IRF1: variants seen among roughly 807,000 people sequenced by gnomAD.
IRF1 encodes interferon regulatory factor 1.
In IRF1, 13 loss-of-function variants were observed where a neutral mutation model predicts 43.7. The ratio of observed to expected loss-of-function variants is 0.30; its 90% CI spans 0.19 to 0.47. The LOEUF is 0.47. Among genes scored for constraint, IRF1 ranks in the 20% least tolerant of loss-of-function variants. The pLI, the probability that IRF1 is intolerant of heterozygous loss-of-function variation, is 0.99. For synonymous variants in IRF1, 138 were observed against 146.8 expected (o/e 0.94, Z 0.43); for missense variants, 236 against 408.9 (o/e 0.58, Z 3.65).
chr5:132,487,184 G>A, intron 3 of IRF1, 54 bp from the exon 4 acceptor site: 1 of 1,570,186 alleles, frequency 6.4e-7, no homozygotes, highest in Non-Finnish European at 8.7e-7. Context: ...GGGATCCTCA[G>A]CTGCCCCTGG....
intron 7 of IRF1, 73 bp downstream of exon 7, chr5:132,486,178 C>CT: frequency 3.2e-6 from 5 of 1,582,822 alleles, no homozygotes; most frequent in Non-Finnish European, 3.5e-6. Context: ...TTCTGATCAT[C>CT]TTTTCTCTCT....
At chr5:132,488,752 C>T (rs1439588144) in intron 2 of IRF1, 1 of 153,184 alleles carries the variant, frequency 6.5e-6, no homozygotes, top group Non-Finnish European at 1.5e-5. Context: ...CTCTCAGTGC[C>T]TCTGTTTACT....
chr5:132,485,080 T>G (rs1485053912), intron 8 of IRF1: 1 of 155,112 alleles, frequency 6.4e-6, no homozygotes, highest in African/African-American at 2.4e-5. Flanking sequence ...GCCCAGCTAA[T>G]TTTTATATTT....
Position 132,483,832 on chromosome 5 carries a change from G to C in IRF1, c.*119C>G. ...AAGGAGGGAGGCCCCATCCCCACTT[G>C]GCAGTGGGGTCACACTTGGCTGTTG... On this transcript the variant is annotated 3_prime_UTR_variant, in exon 10 of 10. Coordinates refer to ENST00000245414, the MANE Select transcript of IRF1 (RefSeq NM_002198.3). 3 of 1,264,054 alleles carry C rather than the reference G, an allele frequency of 2.4e-6. No individual in the cohort carries two copies. The highest frequency in any genetic ancestry group is 3.3e-6 in the Non-Finnish European group (3 of 903,202). 78.3% of individuals were successfully genotyped at this position (1,264,054 alleles called of 1,614,324 possible).
intron 8 of IRF1, chr5:132,484,833 A>G (rs1469647627): frequency 4.8e-6 from 1 of 208,662 alleles, no homozygotes; most frequent in Non-Finnish European, 9.5e-6. Context: ...TCAAGAAAAG[A>G]TGACTAGAAA....
chr5:132,484,617 C>T (rs1458234212), intron 8 of IRF1, 120 bp from the exon 9 acceptor site: 4 of 1,310,584 alleles, frequency 3.1e-6, no homozygotes, highest in Non-Finnish European at 4.3e-6. Context: ...TTTTCACAAT[C>T]TCAGATAGGA....
At chr5:132,487,187 G>C in intron 3 of IRF1, 57 bp from the exon 4 acceptor site, 1 of 1,560,240 alleles carries the variant, frequency 6.4e-7, no homozygotes, top group Non-Finnish European at 8.8e-7. Context: ...ATCCTCAGCT[G>C]CCCCTGGCCT....
chr5:132,489,219 T>C, intron 2 of IRF1, 173 bp downstream of exon 2: 6 of 588,938 alleles, frequency 1.0e-5, no homozygotes, highest in Non-Finnish European at 1.9e-5. Context: ...GCAGGAGTCA[T>C]GCAAGTGAGG....
intron 3 of IRF1, 178 bp downstream of exon 3, chr5:132,487,747 TG>T: frequency 1.7e-6 from 1 of 590,484 alleles, no homozygotes; most frequent in African/African-American, 1.9e-5. Context: ...TTTGAGAATT[TG>T]CTGAGATGAT....
rs946141511 is a variant in IRF1 at position 132,486,354 on chromosome 5, G to C, written c.564C>G (p.Val188=). 3.1e-6 allele frequency: 5 copies of C among 1,612,248 alleles called. No homozygotes were observed. The African/African-American group carries it at 6.7e-5, about 22-fold the overall frequency. Reference sequence around the variant, plus strand: ...TGTGCCAGTCGGGGAGAGTGCTGCTGACAGCACATGGCGACAGTGCTGGGG... The same window carrying C: ...TGTGCCAGTCGGGGAGAGTGCTGCTCACAGCACATGGCGACAGTGCTGGGG... ...ALTPALSPCA[V]SSTLPDWHIP... The change falls in exon 7 of 10, where the codon GTC becomes GTG. Residue 188 remains valine (V), a synonymous_variant. Coordinates refer to ENST00000245414, the MANE Select transcript of IRF1 (RefSeq NM_002198.3).
chr5:132,489,428 A>C lies in IRF1; in HGVS notation c.51T>G (p.Asn17Lys). The C allele has an allele frequency of 1.2e-6, 2 of 1,614,088 alleles. No homozygotes were observed. Among genetic ancestry groups the C allele is most frequent in the Non-Finnish European group, 1.7e-6 (2 of 1,179,968 alleles). The change falls in exon 2 of 10, where the codon AAT (asparagine) becomes AAG (lysine). Residue 17 changes from asparagine (N) to lysine (K), a missense_variant. Coordinates refer to ENST00000245414, the MANE Select transcript of IRF1 (RefSeq NM_002198.3). Reference sequence around the variant, plus strand: ...AGATGAGCCCCGGGATTTGGTTGGAATTAATCTGCATCTCTAGCCAGGGTC... The same window carrying C: ...AGATGAGCCCCGGGATTTGGTTGGACTTAATCTGCATCTCTAGCCAGGGTC... The part of the protein sequence containing the change: ...RMRPWLEMQI[N>K]SNQIPGLIWI...
intron 1 of IRF1, chr5:132,489,728 A>G (rs1561606111): frequency 4.6e-6 from 2 of 438,132 alleles, no homozygotes; most frequent in Non-Finnish European, 8.5e-6. Flanking sequence ...GGAGACAGGC[A>G]TGCAAGTGAT....
chr5:132,488,175 A>G, intron 2 of IRF1, 150 bp from the exon 3 acceptor site: 1 of 621,544 alleles, frequency 1.6e-6, no homozygotes, highest in Non-Finnish European at 2.9e-6. Context: ...TTGGACACCC[A>G]TCTTGAGGCT....
At position 132,484,481 on chromosome 5, in the gene IRF1, T is replaced by G; in HGVS notation, c.734A>C (p.Glu245Ala). The G allele has an allele frequency of 6.2e-7, 1 of 1,614,170 alleles. No individual in the cohort carries two copies. Among genetic ancestry groups the G allele is most frequent in the East Asian group, 2.2e-5 (1 of 44,890 alleles). Residue 245 changes from glutamate to alanine, a missense_variant, in exon 9 of 10, where the codon GAG becomes GCG. Around this residue, in one of 2 missense-constraint regions of IRF1, gnomAD observed 170 missense variants for 251.8 expected, o/e 0.68. Transcript: ENST00000245414. ...EDIMKLLEQS[E>A]WQPTNVDGKG... ...CCCATCCACGTTTGTTGGCTGCCACTCCGACTGCTCCAAGAGCTGGGGACA... is the reference window on the plus strand; with the variant it reads ...CCCATCCACGTTTGTTGGCTGCCACGCCGACTGCTCCAAGAGCTGGGGACA...
rs1754465221 is a variant in IRF1, at chr5:132,484,423, C to G, written c.792G>C (p.Gln264His). 3 of 1,614,198 alleles carry G rather than the reference C, an allele frequency of 1.9e-6. No homozygotes were observed. The Middle Eastern group carries it at 4.9e-4, about 266-fold the overall frequency. The change falls in exon 9 of 10, where the codon CAG (glutamine) becomes CAC (histidine). Residue 264 changes from glutamine (Q) to histidine (H), a missense_variant. Physicochemically the swap from Gln to His is conservative, Grantham distance 24. Around this residue, in one of 2 missense-constraint regions of IRF1, gnomAD observed 170 missense variants for 251.8 expected, o/e 0.68. Coordinates refer to ENST00000245414, the MANE Select transcript of IRF1 (RefSeq NM_002198.3). ...TAAAGTCTCCATAGACAGAGGTGGGCTGGACTCCAGGTTCATTGAGTAGGT... is the reference window on the plus strand; with the variant it reads ...TAAAGTCTCCATAGACAGAGGTGGGGTGGACTCCAGGTTCATTGAGTAGGT... ...KGYLLNEPGV[Q>H]PTSVYGDFSC... is the part of the protein sequence containing the mutation.
chr5:132,487,867 G>C (rs938557866), intron 3 of IRF1, 59 bp downstream of exon 3: 22 of 1,173,128 alleles, frequency 1.9e-5, no homozygotes, highest in African/African-American at 3.0e-5. Flanking sequence ...CTGTGTTAAC[G>C]TGAGTGCCTC....
intron 5 of IRF1, 38 bp downstream of exon 5, chr5:132,486,757 A>T (rs1282602013): frequency 6.2e-7 from 1 of 1,614,186 alleles, no homozygotes; most frequent in Non-Finnish European, 8.5e-7. Context: ...CCTGGCCCAC[A>T]GGTGACCAAA....
At position 132,490,546 on chromosome 5, in the gene IRF1, TC is replaced by T. The variant is rs983158924; in HGVS notation, c.-8del. ...CCCGCGCCTCAAAGGCGTACTCACC[TC>T]TGCTGCAGGAGCGATTCGGCGGTCG... On this transcript the variant is annotated splice_region_variant and 5_prime_UTR_variant, in exon 1 of 10. Transcript: ENST00000245414. This position sits in a 1 kb window ranked among gnomAD's most constrained non-coding sequence, Gnocchi z 5.8. The T allele has an allele frequency of 4.3e-4, 65 of 152,204 alleles. No homozygotes were observed. The highest frequency in any genetic ancestry group is 1.5e-3 in the African/African-American group (63 of 41,550). The allele number at this position is 152,204 out of a possible 1,614,324, so 9.4% of individuals were successfully genotyped here.
Position 132,482,037 on chromosome 5 carries a change from T to C in IRF1, c.*1914A>G, listed in dbSNP as rs948331530. 1 of 151,532 alleles carries C rather than the reference T, an allele frequency of 6.6e-6. No homozygotes were observed. The highest frequency in any genetic ancestry group is 2.4e-5 in the African/African-American group (1 of 41,112). 9.4% of individuals were successfully genotyped at this position (151,532 alleles called of 1,614,324 possible). On this transcript the variant is annotated 3_prime_UTR_variant, in exon 10 of 10. Coordinates refer to ENST00000245414, the MANE Select transcript of IRF1 (RefSeq NM_002198.3). ...TGTCCCCTCCTTCTGCCATTGTCTA[T>C]GTGAACATAAACAAAAGGATTTTTT...
Sources: gnomAD v4.1 joint callset for allele counts on GRCh38, gnomAD v4.1.1 for gene constraint, gnomAD v4.1.1 regional missense constraint, Gnocchi (gnomAD v3.1) non-coding constraint, MANE v1.5 for transcripts, NCBI Gene and HGNC (gene_info 2026-07-23, HGNC 2026-07-21) for gene names.